The following SUPT3H variants were observed in gnomAD, a reference collection of about 807,000 sequenced individuals.
SUPT3H encodes the protein transcription initiation protein SPT3 homolog.
A neutral mutation model predicts 44.3 loss-of-function variants in SUPT3H; 44 were observed. The observed-to-expected ratio is 0.99, with a 90% confidence interval of 0.78 to 1.28. SUPT3H has a LOEUF of 1.28. SUPT3H is among the 50% of genes most tolerant of loss of function. The pLI is 0.00. For synonymous variants in SUPT3H, 124 were observed against 125.6 expected (o/e 0.99, Z 0.09); for missense variants, 380 against 387.1 (o/e 0.98, Z 0.15).
intron 2 of SUPT3H, among the ~76,000 whole-genome samples, chr6:45,305,284 T>C (rs1385833389): frequency 1.3e-5 from 2 of 152,204 alleles, no homozygotes; most frequent in Non-Finnish European, 2.9e-5. Context: ...GGTCTTTTCA[T>C]ACCAACTCCA....
At chr6:44,974,445 C>T (rs1778037336) in intron 6 of SUPT3H, among the ~76,000 whole-genome samples, 1 of 152,058 alleles carries the variant, frequency 6.6e-6, no homozygotes, top group Admixed American at 6.5e-5. Flanking sequence ...TATTCTTTCT[C>T]CTCTGCAAAG....
intron 1 of SUPT3H, among the ~76,000 whole-genome samples, chr6:45,366,712 T>C (rs974319386): frequency 3.9e-5 from 6 of 152,218 alleles, no homozygotes; most frequent in Non-Finnish European, 7.3e-5. Flanking sequence ...TTTTCACTGA[T>C]GACATCACTA....
At chr6:44,916,695 A>C (rs1459162405) in intron 10 of SUPT3H, among the ~76,000 whole-genome samples, 1 of 152,172 alleles carries the variant, frequency 6.6e-6, no homozygotes, top group Non-Finnish European at 1.5e-5. Flanking sequence ...TCTGAAGGGT[A>C]CTATTGGCAA....
intron 2 of SUPT3H, among the ~76,000 whole-genome samples, chr6:45,354,015 G>A (rs1267922533): frequency 6.6e-6 from 1 of 152,084 alleles, no homozygotes; most frequent in African/African-American, 2.4e-5. Context: ...AAGAAAAGCT[G>A]AAAACACAAT....
chr6:44,988,768 C>T (rs1388107665), intron 6 of SUPT3H, among the ~76,000 whole-genome samples: 1 of 151,964 alleles, frequency 6.6e-6, no homozygotes, highest in East Asian at 1.9e-4. Context: ...CATGTATTTC[C>T]AGAAAGCTGT....
At chr6:45,175,803 A>G (rs1368224390) in intron 2 of SUPT3H, among the ~76,000 whole-genome samples, 1 of 152,222 alleles carries the variant, frequency 6.6e-6, no homozygotes, top group East Asian at 1.9e-4. Context: ...TACTAAAAAT[A>G]AGCTTATACT....
chr6:44,829,489 G>A lies in SUPT3H; in HGVS notation c.*327C>T. 2 of 205,874 alleles carry A rather than the reference G, an allele frequency of 9.7e-6. No homozygotes were observed. Among genetic ancestry groups the A allele is most frequent in the South Asian group, 3.3e-4 (2 of 6,064 alleles). 12.8% of individuals were successfully genotyped at this position (205,874 alleles called of 1,614,324 possible). Reference sequence around the variant, plus strand: ...TAAAATGCAGACAAAACGCTGGACGGGGGCAACCACTGCTTTTAAGGTATG... The same window carrying A: ...TAAAATGCAGACAAAACGCTGGACGAGGGCAACCACTGCTTTTAAGGTATG... On this transcript the variant is annotated 3_prime_UTR_variant, in exon 11 of 11. Transcript: ENST00000371459.
intron 9 of SUPT3H, among the ~76,000 whole-genome samples, chr6:44,947,932 A>T (rs897024012): frequency 3.3e-5 from 5 of 152,208 alleles, no homozygotes; most frequent in African/African-American, 4.8e-5. Flanking sequence ...ACATGGGAGT[A>T]GCCAAAGGTT....
intron 2 of SUPT3H, among the ~76,000 whole-genome samples, chr6:45,348,403 A>C (rs1327501636): frequency 6.6e-6 from 1 of 151,664 alleles, no homozygotes; most frequent in East Asian, 1.9e-4. Flanking sequence ...ACGGTGGCTC[A>C]CGCCTGTAAT....
At position 45,371,081 on chromosome 6, in the gene SUPT3H, C is replaced by T. The variant is rs569287661; in HGVS notation, c.1-5780G>A. Among the ~76,000 whole-genome samples the T allele has an allele frequency of 9.2e-5, 14 of 152,226 alleles. 1 individual carries two copies. The South Asian group carries it at 1.9e-3, about 20-fold the overall frequency. ...AATTAAAGAGTTACTTAATGGTTAA[C>T]TTTTGAGATATGTGGAAGATTTTGG... On this transcript the variant is annotated intron_variant, in intron 1 of 10. Transcript: ENST00000371459.
chr6:44,981,108 C>G (rs2153489663), intron 6 of SUPT3H, among the ~76,000 whole-genome samples: 1 of 152,274 alleles, frequency 6.6e-6, no homozygotes, highest in Non-Finnish European at 1.5e-5. Context: ...ATGTTCTACT[C>G]TAACTCTTTA....
intron 2 of SUPT3H, among the ~76,000 whole-genome samples, chr6:45,237,133 C>T (rs1769316658): frequency 6.6e-6 from 1 of 152,124 alleles, no homozygotes; most frequent in East Asian, 1.9e-4. Flanking sequence ...CACAAATAAA[C>T]AAGGCAAAGC....
chr6:44,860,807 TAA>T (rs1189210300), intron 10 of SUPT3H, among the ~76,000 whole-genome samples: 3 of 152,226 alleles, frequency 2.0e-5, no homozygotes, highest in African/African-American at 7.2e-5. Flanking sequence ...AGAATCTTTT[TAA>T]AAAAAGTCTG....
At chr6:45,322,695 A>G (rs1785692186) in intron 2 of SUPT3H, among the ~76,000 whole-genome samples, 2 of 152,152 alleles carry the variant, frequency 1.3e-5, no homozygotes, top group Admixed American at 1.3e-4. Context: ...AAAAATCTAT[A>G]CACAGTAATG....
chr6:45,342,700 T>C (rs1790048838), intron 2 of SUPT3H, among the ~76,000 whole-genome samples: 1 of 152,078 alleles, frequency 6.6e-6, no homozygotes, highest in Non-Finnish European at 1.5e-5. Flanking sequence ...TTAAAAACCA[T>C]CAATACATAA....
At chr6:45,160,183 G>C (rs1733315923) in intron 2 of SUPT3H, among the ~76,000 whole-genome samples, 1 of 152,114 alleles carries the variant, frequency 6.6e-6, no homozygotes, top group Non-Finnish European at 1.5e-5. Context: ...TCACATTCAA[G>C]TTCTTGTCAA....
chr6:45,071,704 T>A (rs1024898302), intron 3 of SUPT3H, among the ~76,000 whole-genome samples: 1 of 152,146 alleles, frequency 6.6e-6, no homozygotes, highest in Admixed American at 6.6e-5. Flanking sequence ...AAATGAGCCC[T>A]GACAAGCCAT....
chr6:45,275,319 T>A (rs1776836156), intron 2 of SUPT3H, among the ~76,000 whole-genome samples: 1 of 152,212 alleles, frequency 6.6e-6, no homozygotes, highest in Non-Finnish European at 1.5e-5. Flanking sequence ...CATTCATCTA[T>A]AATATTCTTA....
intron 3 of SUPT3H, among the ~76,000 whole-genome samples, chr6:45,020,847 C>A (rs1051621580): frequency 2.6e-5 from 4 of 151,886 alleles, no homozygotes; most frequent in African/African-American, 9.7e-5. Flanking sequence ...GTAACCAATA[C>A]AATAAACAGA....
Sources: allele counts gnomAD v4.1 joint callset (sites outside exome capture counted in the v4.1 genomes callset), GRCh38; gene constraint gnomAD v4.1.1; transcripts MANE v1.5; gene names NCBI Gene and HGNC (gene_info 2026-07-23, HGNC 2026-07-21).